The following FGF12 variants were observed in gnomAD, a reference collection of about 807,000 sequenced individuals.
FGF12 encodes the protein fibroblast growth factor 12, also known as fibroblast growth factor 12B.
Under a neutral mutation model 23.6 loss-of-function variants are expected in FGF12, and 14 were observed. That is an observed-to-expected ratio of 0.59 (90% CI 0.39 to 0.93). The LOEUF (loss-of-function observed/expected upper bound fraction) is 0.93, where lower values mean the gene tolerates loss of function less well. FGF12 is among the 40% of genes least tolerant of loss of function. The pLI is 0.00. For missense variants in FGF12, 175 were observed against 217.8 expected (o/e 0.80, Z 1.24); for synonymous variants, 62 against 77.3 (o/e 0.80, Z 1.04).
intron 2 of FGF12, among the ~76,000 whole-genome samples, chr3:192,553,533 C>T (rs946467944): frequency 1.6e-4 from 24 of 152,248 alleles, no homozygotes; most frequent in African/African-American, 5.8e-4. Flanking sequence ...AGCCCAGAAC[C>T]TCTTTCCCCT....
chr3:192,716,107 A>G (rs998666282), intron 2 of FGF12, among the ~76,000 whole-genome samples: 1 of 152,224 alleles, frequency 6.6e-6, no homozygotes, highest in African/African-American at 2.4e-5. Flanking sequence ...TTTCTCAAAG[A>G]TCTAGACTAG....
chr3:192,435,096 G>A (rs6793924), intron 2 of FGF12, among the ~76,000 whole-genome samples: 86,961 of 151,850 alleles, frequency 0.57, 24,906 homozygotes, highest in African/African-American at 0.59. Flanking sequence ...CCTCAACAGG[G>A]TAAGTGATTT....
At chr3:192,421,096 A>G (rs967607997) in intron 2 of FGF12, among the ~76,000 whole-genome samples, 3 of 152,154 alleles carry the variant, frequency 2.0e-5, no homozygotes, top group African/African-American at 7.2e-5. Flanking sequence ...AAAGGCAACC[A>G]TCCCATTTCC....
intron 2 of FGF12, among the ~76,000 whole-genome samples, chr3:192,612,073 A>T (rs1286351921): frequency 4.0e-5 from 6 of 151,628 alleles, no homozygotes; most frequent in Admixed American, 4.0e-4. Context: ...CCACCACATG[A>T]CTCTCTATAT....
intron 2 of FGF12, among the ~76,000 whole-genome samples, chr3:192,573,511 G>T (rs1161159778): frequency 6.6e-6 from 1 of 151,984 alleles, no homozygotes; most frequent in Admixed American, 6.6e-5. Flanking sequence ...CTACCTGAAG[G>T]CCTTTGAACT....
intron 4 of FGF12, among the ~76,000 whole-genome samples, chr3:192,257,458 C>A (rs535002595): frequency 6.6e-6 from 1 of 152,252 alleles, no homozygotes; most frequent in Admixed American, 6.5e-5. Context: ...GTGCACATCC[C>A]TGACTTTTGA....
chr3:192,204,406 A>G (rs200835446), intron 4 of FGF12, among the ~76,000 whole-genome samples: 1 of 152,190 alleles, frequency 6.6e-6, no homozygotes, highest in Non-Finnish European at 1.5e-5. Context: ...TAAATTTTAA[A>G]TAGCCATATT....
chr3:192,226,363 A>T (rs1318009436), intron 4 of FGF12, among the ~76,000 whole-genome samples: 4 of 152,186 alleles, frequency 2.6e-5, no homozygotes, highest in Non-Finnish European at 5.9e-5. Flanking sequence ...GTATCCTTTA[A>T]ATTTTGTATG....
chr3:192,154,147 C>G lies in FGF12; in HGVS notation c.428-10020G>C, dbSNP rs1315722126. On this transcript the variant is annotated intron_variant, in intron 5 of 5. Transcript: ENST00000445105. ...TGCATTCTTCATGTAGTTCTCGAGC[C>G]TTGGTTTTCAGCTCCATCAGCTCCT... Among the ~76,000 whole-genome samples, 4 of 114,742 alleles carry G rather than the reference C, an allele frequency of 3.5e-5. 1 individual carries two copies. The highest frequency in any genetic ancestry group is 5.6e-5 in the Non-Finnish European group (3 of 53,462). 75.3% of individuals were successfully genotyped at this position (114,742 alleles called of 152,430 possible).
chr3:192,217,462 C>T (rs573347715), intron 4 of FGF12, among the ~76,000 whole-genome samples: 1 of 152,114 alleles, frequency 6.6e-6, no homozygotes, highest in South Asian at 2.1e-4. Context: ...AAGAGTTTGA[C>T]TCTATTACTG....
intron 4 of FGF12, among the ~76,000 whole-genome samples, chr3:192,204,897 A>G (rs1442207763): frequency 6.6e-6 from 1 of 151,450 alleles, no homozygotes; most frequent in East Asian, 1.9e-4. Flanking sequence ...TCAAAAAGAG[A>G]AAAAAAAAGA....
At chr3:192,332,931 G>A (rs1438410484) in intron 4 of FGF12, among the ~76,000 whole-genome samples, 1 of 152,078 alleles carries the variant, frequency 6.6e-6, no homozygotes, top group African/African-American at 2.4e-5. Flanking sequence ...AACTCACGAG[G>A]CGAAAGCATT....
At chr3:192,647,685 A>T (rs1348102348) in intron 2 of FGF12, among the ~76,000 whole-genome samples, 2 of 147,578 alleles carry the variant, frequency 1.4e-5, no homozygotes, top group Non-Finnish European at 3.0e-5. Flanking sequence ...ACATATATAC[A>T]TATATATGTA....
chr3:192,667,374 C>T (rs1392683790), intron 2 of FGF12, among the ~76,000 whole-genome samples: 2 of 151,656 alleles, frequency 1.3e-5, no homozygotes, highest in African/African-American at 2.4e-5. Context: ...GAGGCCAAAG[C>T]GGGTGGATCA....
At chr3:192,554,075 T>C (rs901901991) in intron 2 of FGF12, among the ~76,000 whole-genome samples, 1 of 152,236 alleles carries the variant, frequency 6.6e-6, no homozygotes, top group Non-Finnish European at 1.5e-5. Flanking sequence ...GACTAGATTC[T>C]GTCTTGCCTG....
chr3:192,310,372 A>T (rs73066552), intron 4 of FGF12, among the ~76,000 whole-genome samples: 2,892 of 152,280 alleles, frequency 0.019, 96 homozygotes, highest in African/African-American at 0.066. Flanking sequence ...TATAGAAAGT[A>T]TGTCTTCATG....
intron 2 of FGF12, among the ~76,000 whole-genome samples, chr3:192,694,507 C>G (rs780588338): frequency 1.3e-5 from 2 of 151,918 alleles, no homozygotes; most frequent in Admixed American, 6.6e-5. Context: ...TGTTCATCAA[C>G]AGATGAATGG....
intron 2 of FGF12, among the ~76,000 whole-genome samples, chr3:192,533,083 G>A (rs1012797921): frequency 5.3e-5 from 8 of 152,246 alleles, no homozygotes; most frequent in Non-Finnish European, 7.4e-5. Flanking sequence ...TTAAAATAGC[G>A]TGTGCTCAGG....
intron 2 of FGF12, among the ~76,000 whole-genome samples, chr3:192,641,101 CTTTTT>C (rs1164796476): frequency 3.5e-5 from 2 of 56,648 alleles, no homozygotes; most frequent in African/African-American, 1.5e-4. Context: ...TGGCCTTTCA[CTTTTT>C]TTTTTTTTTT....
Sources: gnomAD v4.1 joint callset for allele counts (sites outside exome capture counted in the v4.1 genomes callset) on GRCh38, gnomAD v4.1.1 for gene constraint, MANE v1.5 for transcripts, NCBI Gene and HGNC (gene_info 2026-07-23, HGNC 2026-07-21) for gene names.